TMCC2: variants seen among roughly 807,000 people sequenced by gnomAD.
TMCC2 encodes the protein transmembrane and coiled-coil domain family 2.
A neutral mutation model predicts 49.4 loss-of-function variants in TMCC2; 16 were observed. The ratio of observed to expected loss-of-function variants is 0.32; its 90% confidence interval spans 0.22 to 0.49. The LOEUF (loss-of-function observed/expected upper bound fraction) is 0.49, where lower values mean the gene tolerates loss of function less well. Among genes scored for constraint, TMCC2 ranks in the 20% least tolerant of loss-of-function variants. The pLI, the probability that TMCC2 is intolerant of heterozygous loss-of-function variation, is 0.99. For missense variants in TMCC2, 762 were observed against 989.8 expected (o/e 0.77, Z 3.09); for synonymous variants, 397 against 434.1 (o/e 0.91, Z 1.06).
intron 2 of TMCC2, among the ~76,000 whole-genome samples, chr1:205,243,256 C>T (rs1660338981): frequency 2.0e-5 from 3 of 152,086 alleles, no homozygotes; most frequent in Non-Finnish European, 2.9e-5. Flanking sequence ...TGGTGGTGGG[C>T]GACTGTAATC....
At chr1:205,271,572 G>C (rs1661594619) in intron 4 of TMCC2, among the ~76,000 whole-genome samples, 1 of 152,222 alleles carries the variant, frequency 6.6e-6, no homozygotes, top group Admixed American at 6.5e-5. Flanking sequence ...GAGGGAGCCA[G>C]CTGGGATTGG....
At position 205,264,221 on chromosome 1, in the gene TMCC2, C is replaced by T. The variant is rs536651696; in HGVS notation, c.748-4729C>T. Among the ~76,000 whole-genome samples, 8 of 152,358 alleles carry T rather than the reference C, an allele frequency of 5.3e-5. No individual in the cohort carries two copies. Among genetic ancestry groups the T allele is most frequent in the African/African-American group, 1.9e-4 (8 of 41,580 alleles). On this transcript the variant is annotated intron_variant, in intron 2 of 4. Transcript: ENST00000358024. This position sits in a 1 kb window ranked among gnomAD's most constrained non-coding sequence, Gnocchi z 4.2. ...GTAGTATTTGCATAGAACCTGCACA[C>T]ATCCTCCCTTTAAATCATCTCTAGA... is the stretch of plus-strand genomic sequence containing the variant.
chr1:205,250,973 C>T (rs915627089), intron 2 of TMCC2, among the ~76,000 whole-genome samples: 3 of 152,204 alleles, frequency 2.0e-5, no homozygotes, highest in African/African-American at 7.2e-5. Context: ...TTCCCTGGAT[C>T]TGCCACATCC....
chr1:205,266,085 CA>C (rs1661312620), intron 2 of TMCC2, among the ~76,000 whole-genome samples: 1 of 148,824 alleles, frequency 6.7e-6, no homozygotes. Flanking sequence ...ACTAAAAATA[CA>C]AAAAATTAGC....
At chr1:205,266,539 G>A (rs952759180) in intron 2 of TMCC2, among the ~76,000 whole-genome samples, 46 of 151,230 alleles carry the variant, frequency 3.0e-4, no homozygotes, top group Non-Finnish European at 5.9e-4. Flanking sequence ...GTTGCAGTGA[G>A]CTGAGATGGC....
intron 2 of TMCC2, among the ~76,000 whole-genome samples, chr1:205,254,372 T>C (rs1006224701): frequency 2.0e-5 from 3 of 152,214 alleles, no homozygotes; most frequent in Non-Finnish European, 2.9e-5. Context: ...GAAGTGAGTC[T>C]CACGCCCAGG....
chr1:205,268,748 G>A (rs778251021), intron 2 of TMCC2, among the ~76,000 whole-genome samples: 12 of 152,156 alleles, frequency 7.9e-5, no homozygotes, highest in African/African-American at 7.2e-5. Flanking sequence ...CTGCATTTTG[G>A]GGATGCTGTG....
In TMCC2 at chr1:205,272,204, T is replaced by C. The variant is rs1383353062; in HGVS notation, c.*80T>C. ...CAGGAGGGACCCTTGGACTTCTTTG[T>C]GTGTCCAGTTTGGCCTCCTGCCCAA... is the stretch of plus-strand genomic sequence containing the variant. On this transcript the variant is annotated 3_prime_UTR_variant, in exon 5 of 5. Transcript: ENST00000358024. 1.3e-6 allele frequency: 2 copies of C among 1,540,420 alleles called. No individual in the cohort carries two copies. The highest frequency in any genetic ancestry group is 1.8e-6 in the Non-Finnish European group (2 of 1,142,726).
chr1:205,271,176 T>C lies in TMCC2; in HGVS notation c.1739T>C (p.Met580Thr), dbSNP rs545663479. The change falls in exon 4 of 5, where the codon ATG (methionine) becomes ACG (threonine). Residue 580 changes from methionine (M) to threonine (T), a missense_variant. Physicochemically the swap from Met to Thr is moderately conservative, Grantham distance 81. Transcript: ENST00000358024. ...CTGACTGAGCTTCATCAGAACGAGA[T>C]GACGAACCTGAAGCAGGAGCTGGCC... ...NDLTELHQNE[M>T]TNLKQELASM... The C allele has an allele frequency of 2.7e-5, 43 of 1,613,980 alleles. No individual in the cohort carries two copies. In the South Asian group the frequency reaches 4.4e-4, roughly 16 times the overall value.
rs768272648 is a variant in TMCC2, at chr1:205,272,084, C to T, written c.2090C>T (p.Ser697Phe). The change falls in exon 5 of 5, where the codon TCC becomes TTC. Residue 697 changes from serine (S) to phenylalanine (F), a missense_variant. Transcript: ENST00000358024. ...VLFLLWKHWD[S>F]LTYLLEHVLL... ...TTCCTCCTCTGGAAGCACTGGGACT[C>T]CCTCACCTACCTCCTGGAGCACGTG... The T allele has an allele frequency of 1.2e-6, 2 of 1,613,956 alleles. No homozygotes were observed. Among genetic ancestry groups the T allele is most frequent in the South Asian group, 1.1e-5 (1 of 91,082 alleles).
intron 1 of TMCC2, among the ~76,000 whole-genome samples, chr1:205,234,861 G>A (rs887478313): frequency 5.9e-5 from 9 of 152,130 alleles, no homozygotes; most frequent in African/African-American, 2.2e-4. Flanking sequence ...GTTTCATCAT[G>A]TTTGCCAGGC....
In TMCC2 at chr1:205,269,673, A is replaced by C; in HGVS notation, c.1471A>C (p.Ser491Arg). The C allele has an allele frequency of 1.2e-6, 2 of 1,613,954 alleles. No individual in the cohort carries two copies. Among genetic ancestry groups the C allele is most frequent in the Non-Finnish European group, 1.7e-6 (2 of 1,179,938 alleles). The change falls in exon 3 of 5, where the codon AGC becomes CGC. Residue 491 changes from serine (S) to arginine (R), a missense_variant. Ser to Arg is a moderately radical substitution (Grantham distance 110). This residue lies in a region of TMCC2 where 440 missense variants were observed against 636.7 expected (regional missense o/e 0.69). Transcript: ENST00000358024. ...CAGCGCCAGCTCAGCCGGGGCAGGC[A>C]GCAACTCTGGGGCTGGGCCTGGTGG... Reference protein sequence around the residue: ...SASASSAGAGSNSGAGPGGAL... With the variant: ...SASASSAGAGRNSGAGPGGAL...
At chr1:205,248,357 C>T (rs979782885) in intron 2 of TMCC2, among the ~76,000 whole-genome samples, 6 of 152,234 alleles carry the variant, frequency 3.9e-5, no homozygotes, top group Non-Finnish European at 5.9e-5. Flanking sequence ...TGCAGTCAGG[C>T]GTGATTGCAC....
chr1:205,242,089 C>A, intron 2 of TMCC2, 45 bp downstream of exon 2: 1 of 1,522,252 alleles, frequency 6.6e-7, no homozygotes, highest in Non-Finnish European at 8.8e-7. Flanking sequence ...GAGGCAAGGG[C>A]CATCCGCTGA....
At chr1:205,256,209 G>A in intron 2 of TMCC2, 1 of 1,477,822 alleles carries the variant, frequency 6.8e-7, no homozygotes, top group Non-Finnish European at 9.0e-7. Flanking sequence ...TCAAGTGGGT[G>A]CAGAATCCAT....
At chr1:205,237,440 C>T (rs943252761) in intron 1 of TMCC2, among the ~76,000 whole-genome samples, 2 of 152,164 alleles carry the variant, frequency 1.3e-5, no homozygotes, top group Admixed American at 6.5e-5. Flanking sequence ...GTTGGTAGGG[C>T]GGAAGGAGTT....
At chr1:205,253,146 G>A (rs1049710245) in intron 2 of TMCC2, among the ~76,000 whole-genome samples, 1 of 151,516 alleles carries the variant, frequency 6.6e-6, no homozygotes, top group African/African-American at 2.4e-5. Flanking sequence ...ACAAGAAAAA[G>A]CAAGAAAAAT....
chr1:205,250,575 T>C (rs1210551248), intron 2 of TMCC2, among the ~76,000 whole-genome samples: 1 of 152,134 alleles, frequency 6.6e-6, no homozygotes, highest in Non-Finnish European at 1.5e-5. Context: ...TCCAGTATTC[T>C]CCAGATTAGC....
intron 1 of TMCC2, among the ~76,000 whole-genome samples, chr1:205,237,544 T>C (rs200184756): frequency 2.0e-5 from 3 of 152,248 alleles, no homozygotes; most frequent in African/African-American, 4.8e-5. Flanking sequence ...CTGGGATTTG[T>C]TGAGAACACA....
Sources: gnomAD v4.1 joint callset for allele counts (sites outside exome capture counted in the v4.1 genomes callset) on GRCh38, gnomAD v4.1.1 for gene constraint, gnomAD v4.1.1 regional missense constraint, Gnocchi (gnomAD v3.1) non-coding constraint, MANE v1.5 for transcripts, NCBI Gene and HGNC (gene_info 2026-07-23, HGNC 2026-07-21) for gene names.